Variants in ITPR1 observed in about 807,000 individuals in gnomAD.
ITPR1 encodes the protein inositol 1,4,5-trisphosphate-gated calcium channel ITPR1.
In ITPR1, 96 loss-of-function variants were observed where a neutral mutation model predicts 318.4. That is an observed-to-expected ratio of 0.30 (90% CI 0.26 to 0.36). ITPR1 has a LOEUF of 0.36. Ranked by LOEUF, ITPR1 falls within the 10% of genes least tolerant of loss-of-function variation. ITPR1 has a pLI of 1.00. For missense variants in ITPR1, 2,440 were observed against 3,460.2 expected (o/e 0.71, Z 7.40); for synonymous variants, 1,312 against 1,289.9 (o/e 1.02, Z -0.37).
At position 4,494,723 on chromosome 3, in the gene ITPR1, C is replaced by T. The variant is rs897963868; in HGVS notation, c.-17+217C>T. ...TGGAAGTAGCTGAGAATTGAAGGAG[C>T]CTGAAAGTTTATGAGAGAGGAGGGG... On this transcript the variant is annotated intron_variant, in intron 2 of 61. Transcript: ENST00000649015. Among the ~76,000 whole-genome samples, 55 of 152,026 alleles carry T rather than the reference C, an allele frequency of 3.6e-4. 1 individual carries two copies. Among genetic ancestry groups the T allele is most frequent in the African/African-American group, 1.3e-3 (54 of 41,372 alleles).
chr3:4,734,980 C>T (rs1449677836), intron 43 of ITPR1, among the ~76,000 whole-genome samples, 184 bp from the exon 44 acceptor site: 1 of 152,162 alleles, frequency 6.6e-6, no homozygotes, highest in Non-Finnish European at 1.5e-5. Context: ...GCTGGGTGTC[C>T]TTAGGGAAAG....
At chr3:4,743,865 C>T (rs369999130) in intron 44 of ITPR1, among the ~76,000 whole-genome samples, 1 of 152,218 alleles carries the variant, frequency 6.6e-6, no homozygotes, top group Admixed American at 6.5e-5. Flanking sequence ...GACGGAGTCT[C>T]ACTATGTCAC....
chr3:4,705,563 A>C (rs9867580), intron 36 of ITPR1, among the ~76,000 whole-genome samples: 41,916 of 152,022 alleles, frequency 0.28, 6,840 homozygotes, highest in Non-Finnish European at 0.38. Context: ...CTTGTTTCTT[A>C]TGACCTTGAC....
At chr3:4,749,262 C>T (rs1034337472) in intron 44 of ITPR1, 1 of 152,210 alleles carries the variant, frequency 6.6e-6, no homozygotes, top group African/African-American at 2.4e-5. Context: ...TAATACATGG[C>T]ACCTTTTCAG....
In ITPR1 at chr3:4,768,768, A is replaced by G; in HGVS notation, c.5979+4A>G. 1 of 1,606,648 alleles carries G rather than the reference A, an allele frequency of 6.2e-7. No homozygotes were observed. Among genetic ancestry groups the G allele is most frequent in the Non-Finnish European group, 8.5e-7 (1 of 1,174,560 alleles). Reference sequence around the variant, plus strand: ...AAACCACAACCGAGACCTGCAGGTGAGGGCCTGGGGGTGGGGGCGTGGAGG... The same window carrying G: ...AAACCACAACCGAGACCTGCAGGTGGGGGCCTGGGGGTGGGGGCGTGGAGG... On this transcript the variant is annotated splice_donor_region_variant and intron_variant, in intron 46 of 61. Transcript: ENST00000649015.
At chr3:4,828,611 G>A (rs1303029064) in intron 60 of ITPR1, among the ~76,000 whole-genome samples, 1 of 152,136 alleles carries the variant, frequency 6.6e-6, no homozygotes, top group Non-Finnish European at 1.5e-5. Flanking sequence ...CCCTGTGGGT[G>A]CCCAGGAAAT....
intron 4 of ITPR1, among the ~76,000 whole-genome samples, chr3:4,530,841 G>A (rs2083357703): frequency 6.6e-6 from 1 of 152,028 alleles, no homozygotes; most frequent in African/African-American, 2.4e-5. Context: ...CTGGAAAGTG[G>A]ATCTTATTGG....
At chr3:4,758,269 G>T (rs1260714359) in intron 44 of ITPR1, among the ~76,000 whole-genome samples, 5 of 152,178 alleles carry the variant, frequency 3.3e-5, no homozygotes, top group African/African-American at 1.2e-4. Flanking sequence ...ACTTTTAGAA[G>T]CTGATGGAAA....
intron 44 of ITPR1, among the ~76,000 whole-genome samples, chr3:4,736,140 A>G (rs2043248221): frequency 8.8e-6 from 1 of 113,490 alleles, no homozygotes; most frequent in South Asian, 4.2e-4. Flanking sequence ...CTCTCTGAAT[A>G]AGAGTTTTTT....
At chr3:4,746,305 T>A (rs1200259668) in intron 44 of ITPR1, among the ~76,000 whole-genome samples, 1 of 152,196 alleles carries the variant, frequency 6.6e-6, no homozygotes, top group Non-Finnish European at 1.5e-5. Context: ...ATGGAGCCCA[T>A]GGCCACCCTG....
chr3:4,579,209 T>G (rs2089032304), intron 4 of ITPR1, among the ~76,000 whole-genome samples: 1 of 152,194 alleles, frequency 6.6e-6, no homozygotes, highest in African/African-American at 2.4e-5. Context: ...AGATGTGTCG[T>G]TGTGATGATG....
chr3:4,662,416 T>A (rs907226838), intron 15 of ITPR1, among the ~76,000 whole-genome samples, 174 bp downstream of exon 15: 1 of 152,186 alleles, frequency 6.6e-6, no homozygotes, highest in Non-Finnish European at 1.5e-5. Context: ...TTTGCATTCA[T>A]TTTTTGAGTC....
intron 42 of ITPR1, among the ~76,000 whole-genome samples, chr3:4,731,718 C>T (rs915017536): frequency 2.0e-5 from 3 of 152,122 alleles, no homozygotes; most frequent in Non-Finnish European, 2.9e-5. Flanking sequence ...GAGTTTCCTG[C>T]CTATCTCCTT....
intron 47 of ITPR1, among the ~76,000 whole-genome samples, chr3:4,775,856 G>T (rs1290132698): frequency 6.6e-6 from 1 of 152,226 alleles, no homozygotes; most frequent in Non-Finnish European, 1.5e-5. Context: ...TACTACACGT[G>T]AGACAGCTTG....
rs945796069 is a variant in ITPR1, at chr3:4,710,948, A to G, written c.4991+475A>G. ...GCCCCAAGGCCGGACACGGTGGCTC[A>G]TGCCTGTAATCCCAGCACTTTGGGA... On this transcript the variant is annotated intron_variant, in intron 38 of 61. Coordinates refer to ENST00000649015, the MANE Select transcript of ITPR1 (RefSeq NM_001378452.1). This position sits in a 1 kb window ranked among gnomAD's most constrained non-coding sequence, Gnocchi z 4.2. Among the ~76,000 whole-genome samples the G allele has an allele frequency of 1.3e-5, 2 of 152,214 alleles. No individual in the cohort carries two copies. Among genetic ancestry groups the G allele is most frequent in the South Asian group, 2.1e-4 (1 of 4,836 alleles).
At chr3:4,650,575 A>T (rs1191815483) in intron 10 of ITPR1, among the ~76,000 whole-genome samples, 4 of 140,166 alleles carry the variant, frequency 2.9e-5, no homozygotes, top group Non-Finnish European at 4.7e-5. Flanking sequence ...TTTTATTTCT[A>T]GTTTACATTA....
chr3:4,591,048 G>T (rs930978914), intron 4 of ITPR1, among the ~76,000 whole-genome samples: 6 of 152,212 alleles, frequency 3.9e-5, no homozygotes, highest in African/African-American at 1.4e-4. Flanking sequence ...TCCCGCAAAA[G>T]ACATGATCTC....
intron 51 of ITPR1, among the ~76,000 whole-genome samples, chr3:4,786,663 G>C (rs1282447905): frequency 1.3e-5 from 2 of 152,184 alleles, no homozygotes; most frequent in Admixed American, 1.3e-4. Flanking sequence ...ACACAATCAA[G>C]TGCGCTAGAA....
intron 4 of ITPR1, among the ~76,000 whole-genome samples, chr3:4,598,331 A>G (rs1006092588): frequency 6.6e-6 from 1 of 152,230 alleles, no homozygotes; most frequent in African/African-American, 2.4e-5. Flanking sequence ...ATTAAAAAAT[A>G]AAGGCAGGCT....
Sources: allele counts gnomAD v4.1 joint callset (sites outside exome capture counted in the v4.1 genomes callset), GRCh38; gene constraint gnomAD v4.1.1; non-coding constraint Gnocchi (gnomAD v3.1); transcripts MANE v1.5; gene names NCBI Gene and HGNC (gene_info 2026-07-23, HGNC 2026-07-21).